The following DNAJC5B variants were observed in gnomAD, a reference collection of about 807,000 sequenced individuals.
DNAJC5B encodes the protein dnaJ homolog subfamily C member 5B.
In DNAJC5B, 23 loss-of-function variants were observed where a neutral mutation model predicts 24.7. That is an observed-to-expected ratio of 0.93 (90% confidence interval 0.67 to 1.32). The LOEUF (loss-of-function observed/expected upper bound fraction) is 1.32, where lower values mean the gene tolerates loss of function less well. DNAJC5B is among the 40% of genes most tolerant of loss of function. The pLI is 0.00. For missense variants in DNAJC5B, 238 were observed against 240.8 expected, an observed-to-expected ratio of 0.99 and a Z score of 0.08; for synonymous variants, 101 against 90.1, an observed-to-expected ratio of 1.12 and a Z score of -0.68.
At chr8:66,017,035 A>G (rs75813817), upstream of DNAJC5B, among the ~76,000 whole-genome samples, 8,369 of 151,224 alleles carry the variant, frequency 0.055, 342 homozygotes, top group Middle Eastern at 0.11. Context: ...TCTTGTTCCT[A>G]TATATAACTT....
At chr8:66,032,116 G>A (rs1806372429) in intron 1 of DNAJC5B, among the ~76,000 whole-genome samples, 2 of 152,364 alleles carry the variant, frequency 1.3e-5, no homozygotes, top group East Asian at 3.9e-4. Flanking sequence ...GTCTAAGGCA[G>A]CACAGCTAGT....
chr8:66,018,609 G>C (rs930399786), upstream of DNAJC5B, among the ~76,000 whole-genome samples: 5 of 152,164 alleles, frequency 3.3e-5, no homozygotes, highest in African/African-American at 1.2e-4. Flanking sequence ...TTCTGGCCTA[G>C]AGCATTGTTC....
intron 3 of DNAJC5B, among the ~76,000 whole-genome samples, chr8:66,061,637 G>A (rs997803745): frequency 2.6e-5 from 4 of 151,780 alleles, no homozygotes; most frequent in African/African-American, 7.3e-5. Flanking sequence ...GTGTGTGTGC[G>A]CGTGTATAAG....
the DNAJC5B span, among the ~76,000 whole-genome samples, chr8:66,015,569 G>GAGAC: frequency 2.2e-4 from 34 of 152,080 alleles, no homozygotes; most frequent in South Asian, 8.3e-4. Context: ...GAGAGAGAGA[G>GAGAC]AGAGACAGAG....
chr8:66,082,345 CA>C (rs941645094), intron 5 of DNAJC5B, among the ~76,000 whole-genome samples: 4 of 152,010 alleles, frequency 2.6e-5, no homozygotes, highest in African/African-American at 9.7e-5. Context: ...TAGATATCCC[CA>C]ATCCAGTGTT....
At chr8:66,075,279 C>T (rs919648238) in intron 3 of DNAJC5B, among the ~76,000 whole-genome samples, 3 of 152,028 alleles carry the variant, frequency 2.0e-5, no homozygotes, top group African/African-American at 7.2e-5. Context: ...AAACTCCTGA[C>T]CTCAAGTGAT....
intron 1 of DNAJC5B, among the ~76,000 whole-genome samples, chr8:66,030,828 G>A (rs1806343323): frequency 2.0e-5 from 3 of 152,038 alleles, no homozygotes; most frequent in Admixed American, 2.0e-4. Flanking sequence ...ATAGAGATGG[G>A]GTTTCACCAT....
rs143013639 is a variant in DNAJC5B, at chr8:66,068,542, C to T, written c.120-8118C>T. Among the ~76,000 whole-genome samples the T allele has an allele frequency of 1.5e-4, 22 of 151,314 alleles. 1 individual carries two copies. In the East Asian group the frequency reaches 1.7e-3, roughly 12 times the overall value. ...AGAAGATTTATTAACAAGATAAAAA[C>T]GAAGTTTCATTAACAAGAAAGAATT... is the stretch of plus-strand genomic sequence containing the variant. On this transcript the variant is annotated intron_variant, in intron 3 of 5. Coordinates refer to ENST00000276570, the MANE Select transcript of DNAJC5B (RefSeq NM_033105.6).
chr8:66,053,696 C>A (rs1208736153), intron 3 of DNAJC5B, among the ~76,000 whole-genome samples: 1 of 149,968 alleles, frequency 6.7e-6, no homozygotes, highest in East Asian at 2.0e-4. Context: ...ATGGCGCGAT[C>A]TCGGCTCACC....
chr8:66,017,526 C>T (rs936278221), upstream of DNAJC5B, among the ~76,000 whole-genome samples: 13 of 152,160 alleles, frequency 8.5e-5, no homozygotes, highest in Non-Finnish European at 1.3e-4. Context: ...GGTAAAAAGA[C>T]CCGAATTTAG....
chr8:66,093,972 A>G (rs1807899280), intron 5 of DNAJC5B, among the ~76,000 whole-genome samples: 1 of 152,132 alleles, frequency 6.6e-6, no homozygotes. Context: ...ACTGATTTCT[A>G]ATTTTGGTTT....
intron 1 of DNAJC5B, among the ~76,000 whole-genome samples, chr8:66,030,404 C>G (rs988264706): frequency 2.0e-5 from 3 of 152,182 alleles, no homozygotes; most frequent in African/African-American, 7.2e-5. Context: ...CTTAAAGGAA[C>G]TAAACATACC....
At chr8:66,030,720 T>C (rs984615230) in intron 1 of DNAJC5B, among the ~76,000 whole-genome samples, 1 of 152,178 alleles carries the variant, frequency 6.6e-6, no homozygotes, top group Admixed American at 6.5e-5. Context: ...CACTGCAACC[T>C]CTGCCTCCCA....
chr8:66,074,394 T>G (rs1162503856), intron 3 of DNAJC5B, among the ~76,000 whole-genome samples: 1 of 152,224 alleles, frequency 6.6e-6, no homozygotes, highest in Non-Finnish European at 1.5e-5. Flanking sequence ...CTTTAGATAA[T>G]TATAACTATA....
chr8:66,054,081 A>C (rs1806912703), intron 3 of DNAJC5B, among the ~76,000 whole-genome samples: 1 of 151,700 alleles, frequency 6.6e-6, no homozygotes, highest in African/African-American at 2.4e-5. Context: ...AAGTTCTTTT[A>C]CTTATTCCTT....
intron 2 of DNAJC5B, among the ~76,000 whole-genome samples, chr8:66,051,283 G>A (rs1443415167): frequency 6.6e-6 from 1 of 152,178 alleles, no homozygotes; most frequent in Non-Finnish European, 1.5e-5. Context: ...GTGTTTAGAT[G>A]ACATTTTGCT....
chr8:66,061,572 G>A (rs78763514), intron 3 of DNAJC5B, among the ~76,000 whole-genome samples: 2,364 of 151,598 alleles, frequency 0.016, 52 homozygotes, highest in African/African-American at 0.054. Flanking sequence ...TTGAGTATGT[G>A]AATGAGAAAG....
In DNAJC5B at chr8:66,080,536, G is replaced by A; in HGVS notation, c.493G>A (p.Asp165Asn). 1.2e-6 allele frequency: 2 copies of A among 1,608,172 alleles called. No individual in the cohort carries two copies. The highest frequency in any genetic ancestry group is 1.7e-6 in the Non-Finnish European group (2 of 1,177,230). Residue 165 changes from aspartate to asparagine, a missense_variant, in exon 5 of 6, where the codon GAC (aspartate) becomes AAC (asparagine). Physicochemically the swap from Asp to Asn is conservative, Grantham distance 23. Transcript: ENST00000276570. ...GGATCTGGAGGAGCAGATCAAGTCTGACATGGAAAAAGGTGGGGTAGGATG... is the reference window on the plus strand; with the variant it reads ...GGATCTGGAGGAGCAGATCAAGTCTAACATGGAAAAAGGTGGGGTAGGATG... The part of the protein sequence containing the change: ...PEDLEEQIKS[D>N]MEKDVDFPVF...
At chr8:66,020,594 C>CTGTGTGTG (rs10526018), upstream of DNAJC5B, among the ~76,000 whole-genome samples, 115 of 132,450 alleles carry the variant, frequency 8.7e-4, 1 homozygote, top group South Asian at 1.1e-3. Flanking sequence ...AATCAATACT[C>CTGTGTGTG]TGTGTGTGTG....
Sources: allele counts gnomAD v4.1 joint callset (sites outside exome capture counted in the v4.1 genomes callset), GRCh38; gene constraint gnomAD v4.1.1; transcripts MANE v1.5; gene names NCBI Gene and HGNC (gene_info 2026-07-23, HGNC 2026-07-21).